Variants in HERC3 observed in about 807,000 individuals in gnomAD.
The protein encoded by HERC3 is probable E3 ubiquitin-protein ligase HERC3.
In HERC3, 58 loss-of-function variants were observed where a neutral mutation model predicts 129.9. The observed-to-expected ratio is 0.45, with a 90% confidence interval of 0.36 to 0.56. The LOEUF is 0.56. HERC3 is among the 20% of genes least tolerant of loss of function. HERC3 has a pLI of 0.00. For synonymous variants in HERC3, 430 were observed against 451.0 expected, an observed-to-expected ratio of 0.95 and a Z score of 0.59; for missense variants, 835 against 1,244.2, an observed-to-expected ratio of 0.67 and a Z score of 4.95.
chr4:88,698,016 G>A (rs1734848797), intron 23 of HERC3, among the ~76,000 whole-genome samples: 2 of 152,106 alleles, frequency 1.3e-5, no homozygotes, highest in African/African-American at 4.8e-5. Flanking sequence ...CTGTTGGACA[G>A]ACACCCTGTT....
intron 6 of HERC3, among the ~76,000 whole-genome samples, chr4:88,653,776 G>A (rs181129459): frequency 6.6e-6 from 1 of 152,284 alleles, no homozygotes; most frequent in East Asian, 1.9e-4. Flanking sequence ...AGCTGGAAGG[G>A]CAAAATGACT....
At chr4:88,632,717 G>A (rs1335052853) in intron 3 of HERC3, among the ~76,000 whole-genome samples, 1 of 152,212 alleles carries the variant, frequency 6.6e-6, no homozygotes, top group Non-Finnish European at 1.5e-5. Context: ...CAGTCTGAAT[G>A]ACAGAGATAA....
rs772255081 is a variant in HERC3, at chr4:88,670,184, C to G, written c.1843C>G (p.Pro615Ala). 1.2e-5 allele frequency: 20 copies of G among 1,613,482 alleles called. No homozygotes were observed. The highest frequency in any genetic ancestry group is 1.5e-5 in the Non-Finnish European group (18 of 1,179,676). ...KHVEYDTFYI[P>A]EISNLVDIQE... ...TGTGGAATATGATACATTTTACATTCCTGAGATTTCCAATCTCGTGGACAT... is the reference window on the plus strand; with the variant it reads ...TGTGGAATATGATACATTTTACATTGCTGAGATTTCCAATCTCGTGGACAT... Residue 615 changes from proline (P) to alanine (A), a missense_variant, in exon 16 of 26, where the codon CCT (proline) becomes GCT (alanine). Pro to Ala is a conservative substitution (Grantham distance 27). Coordinates refer to ENST00000402738, the MANE Select transcript of HERC3 (RefSeq NM_014606.3).
At chr4:88,592,455 G>T (rs1425020030), upstream of HERC3, 1 of 152,332 alleles carries the variant, frequency 6.6e-6, no homozygotes, top group Non-Finnish European at 1.5e-5. Flanking sequence ...GCATTCCGCC[G>T]CCCGCAGGCT....
At chr4:88,698,125 A>G (rs2972011) in intron 23 of HERC3, among the ~76,000 whole-genome samples, 55,274 of 151,732 alleles carry the variant, frequency 0.36, 11,063 homozygotes, top group East Asian at 0.54. Context: ...GCCTCAGACC[A>G]TTTTCCGTGT....
chr4:88,532,208 A>G, the HERC3 span, among the ~76,000 whole-genome samples: 1 of 152,186 alleles, frequency 6.6e-6, no homozygotes, highest in Non-Finnish European at 1.5e-5. Context: ...TTTATAAAAC[A>G]GGAGATTTAT....
rs189798915 is a variant in HERC3 at position 88,682,266 on chromosome 4, C to T, written c.2507+941C>T. On this transcript the variant is annotated intron_variant, in intron 21 of 25. Transcript: ENST00000402738. ...TATTTATCCTTTTGAGGAACTTCCA[C>T]GATGTTCCCAAAGTAGTAGAGCCAC... 4.5e-3 allele frequency among the ~76,000 whole-genome samples: 690 copies of T among 152,104 alleles called. 4 individuals are homozygous for T. The highest frequency in any genetic ancestry group is 0.015 in the African/African-American group (643 of 41,500).
At chr4:88,617,699 G>A (rs1239902836) in intron 3 of HERC3, among the ~76,000 whole-genome samples, 1 of 152,002 alleles carries the variant, frequency 6.6e-6, no homozygotes, top group Non-Finnish European at 1.5e-5. Flanking sequence ...GTGAAACCTC[G>A]TCTTTACTAA....
chr4:88,643,451 T>C (rs3017926), intron 3 of HERC3, among the ~76,000 whole-genome samples: 56,877 of 152,042 alleles, frequency 0.37, 12,640 homozygotes, highest in African/African-American at 0.61. Context: ...TTGAAAAATA[T>C]GAATAAAGTT....
intron 3 of HERC3, among the ~76,000 whole-genome samples, chr4:88,646,158 C>A (rs544378156): frequency 1.3e-5 from 2 of 152,286 alleles, no homozygotes; most frequent in Non-Finnish European, 2.9e-5. Flanking sequence ...CTGAGGACAA[C>A]AACCCTGTGC....
chr4:88,577,605 G>GTA, the HERC3 span, among the ~76,000 whole-genome samples: 863 of 131,862 alleles, frequency 6.5e-3, 83 homozygotes, highest in African/African-American at 0.033. Flanking sequence ...GTATGTGTGT[G>GTA]TATATATATA....
chr4:88,680,143 A>G lies in HERC3; in HGVS notation c.2247A>G (p.Glu749=). 1 of 1,613,154 alleles carries G rather than the reference A, an allele frequency of 6.2e-7. No homozygotes were observed. Among genetic ancestry groups the G allele is most frequent in the Non-Finnish European group, 8.5e-7 (1 of 1,179,544 alleles). ...EAVDAGGVTK[E]FFLLLLKELL... is the part of the protein sequence containing the mutation. ...TGGATGCCGGTGGTGTTACAAAGGA[A>G]TTTTTTCTTTTGCTGTTAAAAGAAC... The change falls in exon 20 of 26, where the codon GAA becomes GAG. Residue 749 remains glutamate (E), a synonymous_variant. Coordinates refer to ENST00000402738, the MANE Select transcript of HERC3 (RefSeq NM_014606.3).
At chr4:88,550,456 G>A in the HERC3 span, among the ~76,000 whole-genome samples, 1 of 151,908 alleles carries the variant, frequency 6.6e-6, no homozygotes, top group Non-Finnish European at 1.5e-5. Context: ...CAAAATCAAT[G>A]TACAAAAATC....
the HERC3 span, among the ~76,000 whole-genome samples, chr4:88,536,089 A>G: frequency 6.6e-6 from 1 of 152,174 alleles, no homozygotes; most frequent in Non-Finnish European, 1.5e-5. Context: ...AAGCTCCCAG[A>G]TGATTTCCCT....
chr4:88,658,464 G>C lies in HERC3; in HGVS notation c.1119G>C (p.Gln373His), dbSNP rs938655181. 6.2e-7 allele frequency: 1 copy of C among 1,605,212 alleles called. No individual in the cohort carries two copies. The change falls in exon 10 of 26, where the codon CAG becomes CAC. Residue 373 changes from glutamine (Q) to histidine (H), a missense_variant. Transcript: ENST00000402738. Reference sequence around the variant, plus strand: ...AGCAGATCTTCTCTGGAGGAGACCAGACTTTTGTACTTTGCTCCAAATACG... The same window carrying C: ...AGCAGATCTTCTCTGGAGGAGACCACACTTTTGTACTTTGCTCCAAATACG... ...IVKQIFSGGD[Q>H]TFVLCSKYEN...
intron 2 of HERC3, among the ~76,000 whole-genome samples, chr4:88,603,879 A>G (rs1318012128): frequency 5.3e-5 from 8 of 152,256 alleles, no homozygotes; most frequent in Admixed American, 1.3e-4. Flanking sequence ...TATGTTGGTA[A>G]TAACAATTCT....
At chr4:88,652,109 T>C (rs759220213) in intron 5 of HERC3, 21 bp downstream of exon 5, 55 of 1,487,206 alleles carry the variant, frequency 3.7e-5, no homozygotes, top group Non-Finnish European at 5.0e-5. Flanking sequence ...ATTAAACATA[T>C]GCTAATGCTA....
At chr4:88,648,531 T>C (rs1728934217) in intron 3 of HERC3, among the ~76,000 whole-genome samples, 2 of 152,220 alleles carry the variant, frequency 1.3e-5, no homozygotes, top group Admixed American at 1.3e-4. Flanking sequence ...TCTTACAGTT[T>C]TCGGTGTTGC....
chr4:88,687,335 A>G (rs191417452), intron 23 of HERC3, 36 bp downstream of exon 23: 44 of 1,352,808 alleles, frequency 3.3e-5, no homozygotes, highest in Non-Finnish European at 2.0e-5. Flanking sequence ...AGATACTGCT[A>G]CTTCATATTT....
Sources: gnomAD v4.1 joint callset for allele counts (sites outside exome capture counted in the v4.1 genomes callset) on GRCh38, gnomAD v4.1.1 for gene constraint, MANE v1.5 for transcripts, NCBI Gene and HGNC (gene_info 2026-07-23, HGNC 2026-07-21) for gene names.